CNOT6L: variants seen among roughly 807,000 people sequenced by gnomAD.
The protein encoded by CNOT6L is CCR4-NOT transcription complex subunit 6-like.
A neutral mutation model predicts 64.0 loss-of-function variants in CNOT6L; 7 were observed. That is an observed-to-expected ratio of 0.11 (90% CI 0.06 to 0.21). The LOEUF is 0.21. CNOT6L is among the 10% of genes least tolerant of loss of function. The probability of loss-of-function intolerance (pLI) is 1.00; values close to 1 mark genes in which losing one functional copy is unlikely to be tolerated. For synonymous variants in CNOT6L, 193 were observed against 243.4 expected (o/e 0.79, Z 1.93); for missense variants, 245 against 669.0 (o/e 0.37, Z 6.99).
intron 4 of CNOT6L, among the ~76,000 whole-genome samples, chr4:77,768,038 GCAAAACCT>G: frequency 6.7e-6 from 1 of 149,544 alleles, no homozygotes; most frequent in South Asian, 2.1e-4. Context: ...ACTGCGAAGA[GCAAAACCT>G]CAAAACCTTT....
At chr4:77,818,037 A>T (rs1733766484) in intron 1 of CNOT6L, among the ~76,000 whole-genome samples, 1 of 152,232 alleles carries the variant, frequency 6.6e-6, no homozygotes, top group Admixed American at 6.5e-5. Flanking sequence ...TATTCTCAAA[A>T]TAGCTTTCCA....
upstream of CNOT6L, chr4:77,819,658 T>TGCGGCG (rs1176573892): frequency 6.8e-6 from 1 of 147,638 alleles, no homozygotes; most frequent in Non-Finnish European, 1.5e-5. Context: ...GTGCTGGTGC[T>TGCGGCG]GCGGCGGCGG....
Position 77,720,271 on chromosome 4 carries a change from C to T in CNOT6L, c.*160G>A. The T allele has an allele frequency of 1.4e-6, 1 of 700,772 alleles. No individual in the cohort carries two copies. 43.4% of individuals were successfully genotyped at this position (700,772 alleles called of 1,614,324 possible). On this transcript the variant is annotated 3_prime_UTR_variant, in exon 12 of 12. Transcript: ENST00000504123. The stretch of plus-strand genomic sequence containing the variant: ...GTTCCAGCCCTACTGCCAAATGATA[C>T]CAATATGCACAAAAATGTACAAAGT...
At chr4:77,753,795 T>A (rs1342325172) in intron 5 of CNOT6L, among the ~76,000 whole-genome samples, 2 of 151,076 alleles carry the variant, frequency 1.3e-5, no homozygotes, top group Non-Finnish European at 2.9e-5. Flanking sequence ...AAAGGTGGTA[T>A]AACATACAAA....
intron 6 of CNOT6L, among the ~76,000 whole-genome samples, chr4:77,746,672 A>C (rs1213023636): frequency 1.3e-5 from 2 of 152,200 alleles, no homozygotes; most frequent in African/African-American, 4.8e-5. Context: ...GATTATGTTC[A>C]CTCATATTCA....
intron 1 of CNOT6L, among the ~76,000 whole-genome samples, chr4:77,791,038 G>A (rs1359910713): frequency 6.6e-6 from 1 of 152,054 alleles, no homozygotes; most frequent in Non-Finnish European, 1.5e-5. Context: ...AGCACTTCGG[G>A]AGGCTGAGGC....
At chr4:77,777,194 T>A (rs1728248927) in intron 1 of CNOT6L, among the ~76,000 whole-genome samples, 1 of 152,258 alleles carries the variant, frequency 6.6e-6, no homozygotes, top group Admixed American at 6.5e-5. Context: ...TTGGTTTATA[T>A]CTGTTGTTCT....
chr4:77,786,673 C>T (rs890861931), intron 1 of CNOT6L, among the ~76,000 whole-genome samples: 3 of 151,850 alleles, frequency 2.0e-5, no homozygotes, highest in Admixed American at 2.0e-4. Context: ...AGCAGGATTT[C>T]ACCACATTCC....
chr4:77,754,632 G>A (rs542466651), intron 5 of CNOT6L, among the ~76,000 whole-genome samples: 1 of 152,032 alleles, frequency 6.6e-6, no homozygotes, highest in Non-Finnish European at 1.5e-5. Flanking sequence ...AATAGGTCAA[G>A]GGGGAAGACT....
chr4:77,791,083 G>C (rs1366628938), intron 1 of CNOT6L, among the ~76,000 whole-genome samples: 3 of 152,016 alleles, frequency 2.0e-5, no homozygotes, highest in Non-Finnish European at 4.4e-5. Flanking sequence ...TTCCAGACCA[G>C]ACTGACCAAC....
In CNOT6L at chr4:77,811,676, T is replaced by C. The variant is rs141035153; in HGVS notation, c.5+7628A>G. Among the ~76,000 whole-genome samples, 420 of 152,306 alleles carry C rather than the reference T, an allele frequency of 2.8e-3. 4 individuals are homozygous for C. Among genetic ancestry groups the C allele is most frequent in the African/African-American group, 9.5e-3 (396 of 41,566 alleles). ...ACCTGACATAGCATCTTTATTTTTC[T>C]AATCCACATTTCACAATTCTCTCAA... On this transcript the variant is annotated intron_variant, in intron 1 of 11. Transcript: ENST00000504123.
intron 11 of CNOT6L, among the ~76,000 whole-genome samples, chr4:77,721,474 T>G (rs1419381823): frequency 6.6e-6 from 1 of 152,180 alleles, no homozygotes; most frequent in Non-Finnish European, 1.5e-5. Flanking sequence ...GGAGAAATAT[T>G]TCTACACCTG....
intron 8 of CNOT6L, among the ~76,000 whole-genome samples, chr4:77,739,701 T>A (rs1029914670): frequency 6.6e-6 from 1 of 152,228 alleles, no homozygotes; most frequent in African/African-American, 2.4e-5. Context: ...ACATTCAATC[T>A]GTTGCCAGAT....
intron 1 of CNOT6L, among the ~76,000 whole-genome samples, chr4:77,817,648 G>A (rs1733723738): frequency 6.6e-6 from 1 of 152,220 alleles, no homozygotes; most frequent in African/African-American, 2.4e-5. Flanking sequence ...ACTGAAGTCT[G>A]TAAAACAAGT....
At chr4:77,778,811 G>A (rs1020315874) in intron 1 of CNOT6L, among the ~76,000 whole-genome samples, 11 of 151,514 alleles carry the variant, frequency 7.3e-5, no homozygotes, top group African/African-American at 2.2e-4. Context: ...TTGGGAGGCC[G>A]AGGCGGGCTG....
chr4:77,727,370 C>T (rs897439049), intron 10 of CNOT6L, among the ~76,000 whole-genome samples: 36 of 152,066 alleles, frequency 2.4e-4, no homozygotes, highest in Middle Eastern at 3.4e-3. Flanking sequence ...AGTTCGAGAC[C>T]AGCCTGGCCA....
intron 4 of CNOT6L, among the ~76,000 whole-genome samples, chr4:77,763,121 GA>G (rs1281082555): frequency 6.6e-6 from 1 of 151,928 alleles, no homozygotes; most frequent in Non-Finnish European, 1.5e-5. Context: ...CGAGGAAGCA[GA>G]AAAAAATTAC....
chr4:77,768,515 A>T (rs1183793876), intron 4 of CNOT6L, among the ~76,000 whole-genome samples: 1 of 141,002 alleles, frequency 7.1e-6, no homozygotes, highest in African/African-American at 2.7e-5. Context: ...ATATATATAT[A>T]TTCTACTCAT....
At chr4:77,774,387 G>T in intron 3 of CNOT6L, 143 bp downstream of exon 3, 1 of 595,534 alleles carries the variant, frequency 1.7e-6, no homozygotes, top group Non-Finnish European at 2.7e-6. Context: ...TTCAACGGAG[G>T]CCAACTCAAG....
Sources: gnomAD v4.1 joint callset for allele counts (sites outside exome capture counted in the v4.1 genomes callset) on GRCh38, gnomAD v4.1.1 for gene constraint, MANE v1.5 for transcripts, NCBI Gene and HGNC (gene_info 2026-07-23, HGNC 2026-07-21) for gene names.